TYK2: variants seen among roughly 807,000 people sequenced by gnomAD.
The protein encoded by TYK2 is non-receptor tyrosine-protein kinase TYK2.
A neutral mutation model predicts 130.9 loss-of-function variants in TYK2; 65 were observed. The ratio of observed to expected loss-of-function variants is 0.50; its 90% CI spans 0.41 to 0.61. The LOEUF is 0.61. Among genes scored for constraint, TYK2 ranks in the 20% least tolerant of loss-of-function variants. The probability of loss-of-function intolerance (pLI) is 0.00; values close to 1 mark genes in which losing one functional copy is unlikely to be tolerated. For missense variants in TYK2, 1,378 were observed against 1,610.7 expected (o/e 0.86, Z 2.47); for synonymous variants, 647 against 658.9 (o/e 0.98, Z 0.28).
chr19:10,366,570 T>C lies in TYK2; in HGVS notation c.476A>G (p.Glu159Gly). Residue 159 changes from glutamate to glycine, a missense_variant, in exon 6 of 25, where the codon GAG becomes GGG. Transcript: ENST00000525621. ...CAGTGATGCCACGTCATTCACAAAC[T>C]CATGCTTGCCCTGGGAACAGGAAAT... ...FEYLFEQGKH[E>G]FVNDVASLWE... The C allele has an allele frequency of 1.2e-6, 2 of 1,613,946 alleles. No homozygotes were observed. The highest frequency in any genetic ancestry group is 1.7e-6 in the Non-Finnish European group (2 of 1,179,978).
chr19:10,362,672 A>AG lies in TYK2; in HGVS notation c.1368-16dup. The AG allele has an allele frequency of 6.4e-7, 1 of 1,550,628 alleles. No individual in the cohort carries two copies. Among genetic ancestry groups the AG allele is most frequent in the Non-Finnish European group, 8.7e-7 (1 of 1,146,502 alleles). On this transcript the variant is annotated splice_polypyrimidine_tract_variant and intron_variant, in intron 9 of 24. Transcript: ENST00000525621. ...CAAATGGCTCCCTGGAAGGTGGTCC[A>AG]GGGGGACTATCAGGCCACCTGGGGC...
At position 10,366,520 on chromosome 19, in the gene TYK2, TCTC is replaced by T. The variant is rs1297227067; in HGVS notation, c.523_525del (p.Glu175del). On this transcript the variant is annotated inframe_deletion, in exon 6 of 25. Coordinates refer to ENST00000525621, the MANE Select transcript of TYK2 (RefSeq NM_003331.5). ...AGGCTCTCATTCTTAAAGTGGTGGA[TCTC>T]CTCCTCGGTCGACAGCTCCCACAGT... The T allele has an allele frequency of 1.2e-6, 2 of 1,613,816 alleles. No individual in the cohort carries two copies. Among genetic ancestry groups the T allele is most frequent in the Non-Finnish European group, 1.7e-6 (2 of 1,179,942 alleles).
chr19:10,355,167 C>T (rs541415423), intron 18 of TYK2, among the ~76,000 whole-genome samples: 2 of 152,148 alleles, frequency 1.3e-5, no homozygotes, highest in East Asian at 3.9e-4. Context: ...TGGCTCACAC[C>T]TGTAATCCCA....
At chr19:10,359,044 CA>C in intron 15 of TYK2, 130 bp downstream of exon 15, 1 of 1,250,976 alleles carries the variant, frequency 8.0e-7, no homozygotes, top group East Asian at 2.5e-5. Flanking sequence ...GCCTGGGTGA[CA>C]GGGCGAAACT....
intron 3 of TYK2, among the ~76,000 whole-genome samples, chr19:10,370,247 T>A (rs943037409): frequency 6.6e-6 from 1 of 151,202 alleles, no homozygotes; most frequent in Non-Finnish European, 1.5e-5. Context: ...TAATTCCAGC[T>A]ACTTGGGAGG....
intron 23 of TYK2, among the ~76,000 whole-genome samples, chr19:10,352,042 C>A (rs1324751369): frequency 6.7e-6 from 1 of 148,464 alleles, no homozygotes; most frequent in Admixed American, 6.8e-5. Flanking sequence ...CCGGCCTATG[C>A]CTTTCTTTCC....
intron 23 of TYK2, among the ~76,000 whole-genome samples, chr19:10,352,167 GT>G (rs2088359096): frequency 6.6e-6 from 1 of 150,928 alleles, no homozygotes; most frequent in South Asian, 2.1e-4. Flanking sequence ...CGCCTCCCGG[GT>G]TCATGCCATT....
At chr19:10,356,748 C>T in intron 17 of TYK2, 30 bp from the exon 18 acceptor site, 4 of 1,578,316 alleles carry the variant, frequency 2.5e-6, no homozygotes, top group Non-Finnish European at 2.6e-6. Context: ...GAGGAGTCAA[C>T]ATCCTCCCCT....
At position 10,364,797 on chromosome 19, in the gene TYK2, G is replaced by A. The variant is rs368088708; in HGVS notation, c.1210-26C>T. 34 of 1,614,012 alleles carry A rather than the reference G, an allele frequency of 2.1e-5. No homozygotes were observed. Among genetic ancestry groups the A allele is most frequent in the Non-Finnish European group, 2.7e-5 (32 of 1,180,048 alleles). On this transcript the variant is annotated intron_variant, in intron 8 of 24. Coordinates refer to ENST00000525621, the MANE Select transcript of TYK2 (RefSeq NM_003331.5). This position sits in a 1 kb window ranked among gnomAD's most constrained non-coding sequence, Gnocchi z 4.9. ...CTGCCAGCCAGGGGCGCATCAGGTG[G>A]GTGTCCTCCCAGGCCATGATGGGCC...
In TYK2 at chr19:10,366,379, C is replaced by T. The variant is rs747282028; in HGVS notation, c.629+38G>A. ...GCTCCCAGATGCTCAGGACATTTCC[C>T]CCTGCCTACACAGCGTCCCCACCCC... On this transcript the variant is annotated intron_variant, in intron 6 of 24. Coordinates refer to ENST00000525621, the MANE Select transcript of TYK2 (RefSeq NM_003331.5). 3.8e-6 allele frequency: 6 copies of T among 1,597,426 alleles called. No homozygotes were observed. In the Admixed American group the frequency reaches 5.1e-5, roughly 13 times the overall value.
chr19:10,355,764 C>A (rs1249647617), intron 18 of TYK2, among the ~76,000 whole-genome samples: 4 of 148,696 alleles, frequency 2.7e-5, no homozygotes, highest in Non-Finnish European at 4.5e-5. Flanking sequence ...GAGACTGAGA[C>A]CATCCTGGCC....
In TYK2 at chr19:10,358,086, G is replaced by A. The variant is rs1208124694; in HGVS notation, c.2228C>T (p.Ala743Val). 2 of 1,612,714 alleles carry A rather than the reference G, an allele frequency of 1.2e-6. No individual in the cohort carries two copies. The highest frequency in any genetic ancestry group is 1.7e-6 in the Non-Finnish European group (2 of 1,179,696). ...GNVCGRNILL[A>V]RLGLAEGTSP... Reference sequence around the variant, plus strand: ...GGTGCCCTCTGCCAACCCCAGCCGGGCCAGCAGGATGTTCCGGCCACACAC... The same window carrying A: ...GGTGCCCTCTGCCAACCCCAGCCGGACCAGCAGGATGTTCCGGCCACACAC... Residue 743 changes from alanine to valine, a missense_variant, in exon 16 of 25, where the codon GCC becomes GTC. By Grantham distance (64) the Ala-to-Val change is moderately conservative. Coordinates refer to ENST00000525621, the MANE Select transcript of TYK2 (RefSeq NM_003331.5).
At chr19:10,359,037 T>G in intron 15 of TYK2, 138 bp downstream of exon 15, 1 of 1,180,596 alleles carries the variant, frequency 8.5e-7, no homozygotes, top group East Asian at 2.6e-5. Context: ...CACTCCAGCC[T>G]GGGTGACAGG....
rs923588386 is a variant in TYK2, at chr19:10,380,464, T to G, written c.-270A>C. On this transcript the variant is annotated 5_prime_UTR_variant, in exon 1 of 25. Coordinates refer to ENST00000525621, the MANE Select transcript of TYK2 (RefSeq NM_003331.5). Reference sequence around the variant, plus strand: ...GCAGCCAGTCCCCGCGGCTTCTTCCTGAGGACCTCCGGCCGCGCTCCTTCC... The same window carrying G: ...GCAGCCAGTCCCCGCGGCTTCTTCCGGAGGACCTCCGGCCGCGCTCCTTCC... 2.0e-5 allele frequency: 3 copies of G among 152,590 alleles called. No homozygotes were observed. Among genetic ancestry groups the G allele is most frequent in the Non-Finnish European group, 4.4e-5 (3 of 68,188 alleles). The allele number at this position is 152,590 out of a possible 1,614,324, so 9.5% of individuals were successfully genotyped here.
At position 10,358,111 on chromosome 19, in the gene TYK2, C is replaced by T. The variant is rs1473534133; in HGVS notation, c.2203G>A (p.Val735Met). The change falls in exon 16 of 25, where the codon GTG becomes ATG. Residue 735 changes from valine (V) to methionine (M), a missense_variant. Transcript: ENST00000525621. Reference sequence around the variant, plus strand: ...GCCAGCAGGATGTTCCGGCCACACACATTACCATGAACCAGGTTCTTGTTC... The same window carrying T: ...GCCAGCAGGATGTTCCGGCCACACATATTACCATGAACCAGGTTCTTGTTC... ...LENKNLVHGNVCGRNILLARL... is the reference protein window; with the variant it reads ...LENKNLVHGNMCGRNILLARL... 5 of 1,611,158 alleles carry T rather than the reference C, an allele frequency of 3.1e-6. No individual in the cohort carries two copies. Among genetic ancestry groups the T allele is most frequent in the East Asian group, 2.2e-5 (1 of 44,814 alleles).
Position 10,368,222 on chromosome 19 carries a change from A to G in TYK2, c.318-20T>C. The G allele has an allele frequency of 6.2e-7, 1 of 1,614,176 alleles. No homozygotes were observed. Among genetic ancestry groups the G allele is most frequent in the South Asian group, 1.1e-5 (1 of 91,090 alleles). ...TAAAACCTGCAGGAAGGAGGGACGCAGCTGGGGCTTAGCACAGAGTCAGAC... is the reference window on the plus strand; with the variant it reads ...TAAAACCTGCAGGAAGGAGGGACGCGGCTGGGGCTTAGCACAGAGTCAGAC... On this transcript the variant is annotated intron_variant, in intron 4 of 24. Coordinates refer to ENST00000525621, the MANE Select transcript of TYK2 (RefSeq NM_003331.5).
At chr19:10,356,494 G>A in intron 18 of TYK2, 74 bp downstream of exon 18, 1 of 1,581,990 alleles carries the variant, frequency 6.3e-7, no homozygotes, top group Non-Finnish European at 8.6e-7. Flanking sequence ...GACCTCTCGT[G>A]CGCTATAGGC....
chr19:10,359,357 CG>C, intron 14 of TYK2, 55 bp from the exon 15 acceptor site: 1 of 1,594,926 alleles, frequency 6.3e-7, no homozygotes. Context: ...CTCTGGATGG[CG>C]GGGAATTGGG....
At position 10,361,095 on chromosome 19, in the gene TYK2, G is replaced by A. The variant is rs979221136; in HGVS notation, c.2047+416C>T. The A allele has an allele frequency of 2.7e-5, 13 of 481,278 alleles. No individual in the cohort carries two copies. In the Middle Eastern group the frequency reaches 1.2e-3, roughly 46 times the overall value. 29.8% of individuals were successfully genotyped at this position (481,278 alleles called of 1,614,324 possible). On this transcript the variant is annotated intron_variant, in intron 14 of 24. Transcript: ENST00000525621. The surrounding 1 kb of genome is among the most constrained non-coding windows in gnomAD (Gnocchi z 4.0). ...CTACCTGCAGAGGAAAGGAAGAGGT[G>A]GGGTTAGGCAGGGTTGGATGTGCAG...
Sources: allele counts gnomAD v4.1 joint callset (sites outside exome capture counted in the v4.1 genomes callset), GRCh38; gene constraint gnomAD v4.1.1; non-coding constraint Gnocchi (gnomAD v3.1); transcripts MANE v1.5; gene names NCBI Gene and HGNC (gene_info 2026-07-23, HGNC 2026-07-21).